Variants in NEURL1 observed in about 807,000 individuals in gnomAD.
NEURL1 encodes the protein neuralized E3 ubiquitin protein ligase 1, also known as E3 ubiquitin-protein ligase NEURL1.
Under a neutral mutation model 41.2 loss-of-function variants are expected in NEURL1, and 26 were observed. That is an observed-to-expected ratio of 0.63 (90% CI 0.46 to 0.87). The LOEUF is 0.87. Ranked by LOEUF, NEURL1 falls within the 40% of genes least tolerant of loss-of-function variation. The pLI is 0.00. For missense variants in NEURL1, 761 were observed against 871.1 expected (o/e 0.87, Z 1.59); for synonymous variants, 400 against 402.3 (o/e 0.99, Z 0.07).
intron 1 of NEURL1, among the ~76,000 whole-genome samples, chr10:103,540,380 C>A (rs1884930): frequency 0.26 from 39,702 of 151,938 alleles, 6,832 homozygotes; most frequent in African/African-American, 0.49. Flanking sequence ...ACCTCTACCT[C>A]CCGAGTTCAA....
chr10:103,512,846 G>T (rs1352891822), intron 1 of NEURL1, among the ~76,000 whole-genome samples: 1 of 152,098 alleles, frequency 6.6e-6, no homozygotes, highest in Non-Finnish European at 1.5e-5. Context: ...TGGGAACAAG[G>T]TGCTGTGTTG....
intron 1 of NEURL1, among the ~76,000 whole-genome samples, chr10:103,521,673 A>G (rs1424148918): frequency 6.6e-6 from 1 of 152,148 alleles, no homozygotes; most frequent in Non-Finnish European, 1.5e-5. Context: ...CTGGAAGGAG[A>G]TATTCTCCTT....
In NEURL1 at chr10:103,580,975, G is replaced by A. The variant is rs139281225; in HGVS notation, c.650-3561G>A. Reference sequence around the variant, plus strand: ...TGAGTATTTCCTGGGTACCCATCATGACTGATGTGAAATCCTGCATTAAGG... The same window carrying A: ...TGAGTATTTCCTGGGTACCCATCATAACTGATGTGAAATCCTGCATTAAGG... On this transcript the variant is annotated intron_variant, in intron 3 of 5. Coordinates refer to ENST00000369780, the MANE Select transcript of NEURL1 (RefSeq NM_004210.5). Among the ~76,000 whole-genome samples the A allele has an allele frequency of 2.4e-3, 358 of 152,264 alleles. 1 individual carries two copies. Among genetic ancestry groups the A allele is most frequent in the Non-Finnish European group, 4.2e-3 (288 of 68,036 alleles).
In NEURL1 at chr10:103,558,548, T is replaced by TGTGG. The variant is rs1491458636; in HGVS notation, c.86-12324_86-12323insGTGG. Reference sequence around the variant, plus strand: ...GTGTGTGTGTGTGTGTGTGTGTGTGTAGTGGGGCTGGTGGTGAGGAGTCGG... The same window carrying TGTGG: ...GTGTGTGTGTGTGTGTGTGTGTGTGTGTGGAGTGGGGCTGGTGGTGAGGAGTCGG... On this transcript the variant is annotated intron_variant, in intron 1 of 5. Coordinates refer to ENST00000369780, the MANE Select transcript of NEURL1 (RefSeq NM_004210.5). This position sits in a 1 kb window ranked among gnomAD's most constrained non-coding sequence, Gnocchi z 4.2. 1.6e-5 allele frequency among the ~76,000 whole-genome samples: 2 copies of TGTGG among 123,204 alleles called. No homozygotes were observed. The highest frequency in any genetic ancestry group is 6.0e-5 in the African/African-American group (2 of 33,358). The allele number at this position is 123,204 out of a possible 152,430, so 80.8% of individuals were successfully genotyped here.
chr10:103,590,182 C>T lies in NEURL1; in HGVS notation c.1535C>T (p.Pro512Leu). Reference protein sequence around the residue: ...PVSLPESPVTPGLGQWSDECT... With the variant: ...PVSLPESPVTLGLGQWSDECT... ...AGCCTGCCCGAGTCGCCAGTGACCC[C>T]AGGTCTGGGCCAGTGGAGCGATGAG... The change falls in exon 6 of 6, where the codon CCA becomes CTA. Residue 512 changes from proline to leucine, a missense_variant. Physicochemically the swap from Pro to Leu is moderately conservative, Grantham distance 98 (BLOSUM62 -3). This residue lies in a region of NEURL1 where 443 missense variants were observed against 408.1 expected (regional missense o/e 1.09). Coordinates refer to ENST00000369780, the MANE Select transcript of NEURL1 (RefSeq NM_004210.5). 1 of 1,614,188 alleles carries T rather than the reference C, an allele frequency of 6.2e-7. No individual in the cohort carries two copies. The highest frequency in any genetic ancestry group is 8.5e-7 in the Non-Finnish European group (1 of 1,180,052).
At chr10:103,552,626 A>C in intron 1 of NEURL1, among the ~76,000 whole-genome samples, 1 of 152,312 alleles carries the variant, frequency 6.6e-6, no homozygotes, top group African/African-American at 2.4e-5. Flanking sequence ...CTACTGGATA[A>C]ATGTCTGTTT....
chr10:103,551,415 G>A lies in NEURL1; in HGVS notation c.86-19457G>A, dbSNP rs2035029809. On this transcript the variant is annotated intron_variant, in intron 1 of 5. Coordinates refer to ENST00000369780, the MANE Select transcript of NEURL1 (RefSeq NM_004210.5). ...CCTCCTGGGTTCACACGATTCTCCT[G>A]CCTCAGCCTCCCCAGTAGCTGGGAT... Among the ~76,000 whole-genome samples the A allele has an allele frequency of 2.0e-5, 3 of 148,076 alleles. No homozygotes were observed. The South Asian group carries it at 6.3e-4, about 31-fold the overall frequency.
intron 1 of NEURL1, among the ~76,000 whole-genome samples, chr10:103,570,353 C>T (rs1315910350): frequency 6.6e-6 from 1 of 152,190 alleles, no homozygotes; most frequent in Non-Finnish European, 1.5e-5. Context: ...GTGTTGTCTT[C>T]CCCAAGGTCA....
Position 103,590,230 on chromosome 10 carries a change from C to T in NEURL1, c.1583C>T (p.Ala528Val), listed in dbSNP as rs372474838. The T allele has an allele frequency of 9.9e-6, 16 of 1,614,148 alleles. No individual in the cohort carries two copies. The highest frequency in any genetic ancestry group is 5.3e-5 in the African/African-American group (4 of 75,032). ...GAGTGCACCATTTGCTATGAACACG[C>T]GGTGGACACGGTCATCTACACATGT... ...SDECTICYEHAVDTVIYTCGH... is the reference protein window; with the variant it reads ...SDECTICYEHVVDTVIYTCGH... Residue 528 changes from alanine to valine, a missense_variant, in exon 6 of 6, where the codon GCG becomes GTG. This residue lies in a region of NEURL1 where 45 missense variants were observed against 89.9 expected (regional missense o/e 0.50). Transcript: ENST00000369780.
At chr10:103,569,013 C>A (rs2035483707) in intron 1 of NEURL1, among the ~76,000 whole-genome samples, 1 of 152,204 alleles carries the variant, frequency 6.6e-6, no homozygotes, top group Non-Finnish European at 1.5e-5. Flanking sequence ...TGGGGTTTCA[C>A]CATATTGCCC....
At chr10:103,519,871 C>T (rs2034305772) in intron 1 of NEURL1, among the ~76,000 whole-genome samples, 1 of 151,492 alleles carries the variant, frequency 6.6e-6, no homozygotes, top group Non-Finnish European at 1.5e-5. Flanking sequence ...GCAGCCTTGA[C>T]CCCCCGGGGC....
chr10:103,502,196 A>G (rs1274115886), intron 1 of NEURL1, among the ~76,000 whole-genome samples: 1 of 152,230 alleles, frequency 6.6e-6, no homozygotes, highest in Non-Finnish European at 1.5e-5. Flanking sequence ...ATCAGCGAGG[A>G]AACTGATCTT....
chr10:103,570,232 C>G (rs1258581552), intron 1 of NEURL1, among the ~76,000 whole-genome samples: 1 of 152,142 alleles, frequency 6.6e-6, no homozygotes, highest in African/African-American at 2.4e-5. Flanking sequence ...TCTTGGGGGC[C>G]CCACCAGAGT....
chr10:103,530,660 CCTCCTGGCTAGCAG>C (rs2034551390), intron 1 of NEURL1, among the ~76,000 whole-genome samples: 1 of 152,006 alleles, frequency 6.6e-6, no homozygotes, highest in Admixed American at 6.6e-5. Flanking sequence ...CCTGCTTCAG[CCTCCTGGCTAGCAG>C]AGATTACAGG....
rs192116137 is a variant in NEURL1, at chr10:103,566,415, T to C, written c.86-4457T>C. Among the ~76,000 whole-genome samples the C allele has an allele frequency of 3.9e-5, 6 of 152,326 alleles. No individual in the cohort carries two copies. The highest frequency in any genetic ancestry group is 3.9e-4 in the Admixed American group (6 of 15,308). ...TGATACCTACTGATCTCTGTCTCTC[T>C]CTAGTTTTGCCTTTTCCAAAATATC... On this transcript the variant is annotated intron_variant, in intron 1 of 5. Transcript: ENST00000369780. This position sits in a 1 kb window ranked among gnomAD's most constrained non-coding sequence, Gnocchi z 4.2.
intron 1 of NEURL1, among the ~76,000 whole-genome samples, chr10:103,569,948 G>A (rs2035502991): frequency 6.6e-6 from 1 of 152,146 alleles, no homozygotes; most frequent in Non-Finnish European, 1.5e-5. Flanking sequence ...CCAACACAGA[G>A]GGCTGGGCCT....
In NEURL1 at chr10:103,537,030, G is replaced by A. The variant is rs550251171; in HGVS notation, c.86-33842G>A. On this transcript the variant is annotated intron_variant, in intron 1 of 5. Transcript: ENST00000369780. ...GAATCATACAGTATTTGGTTTTTTT[G>A]TGAGTGCTTATTTCACTTAGCATAA... Among the ~76,000 whole-genome samples, 40 of 152,186 alleles carry A rather than the reference G, an allele frequency of 2.6e-4. No homozygotes were observed. The South Asian group carries it at 7.9e-3, about 30-fold the overall frequency.
At chr10:103,494,923 A>G (rs1025939904) in intron 1 of NEURL1, among the ~76,000 whole-genome samples, 3 of 152,168 alleles carry the variant, frequency 2.0e-5, no homozygotes, top group Non-Finnish European at 4.4e-5. Flanking sequence ...AATTCAGGAC[A>G]GGATTACAGC....
At chr10:103,502,983 GGAAGT>G (rs2033858535) in intron 1 of NEURL1, among the ~76,000 whole-genome samples, 1 of 152,226 alleles carries the variant, frequency 6.6e-6, no homozygotes, top group Non-Finnish European at 1.5e-5. Flanking sequence ...AGGGATGGAG[GGAAGT>G]GAACTGGCCA....
Sources: gnomAD v4.1 joint callset for allele counts (sites outside exome capture counted in the v4.1 genomes callset) on GRCh38, gnomAD v4.1.1 for gene constraint, gnomAD v4.1.1 regional missense constraint, Gnocchi (gnomAD v3.1) non-coding constraint, MANE v1.5 for transcripts, NCBI Gene and HGNC (gene_info 2026-07-23, HGNC 2026-07-21) for gene names.